Variants in FAM193A observed in about 807,000 individuals in gnomAD.
FAM193A encodes the protein protein FAM193A.
In FAM193A, 22 loss-of-function variants were observed where a neutral mutation model predicts 126.5. The ratio of observed to expected loss-of-function variants is 0.17; its 90% CI spans 0.12 to 0.25. FAM193A has a LOEUF of 0.25. FAM193A is among the 10% of genes least tolerant of loss of function. The pLI is 1.00. For synonymous variants in FAM193A, 761 were observed against 646.8 expected (o/e 1.18, Z -2.68); for missense variants, 1,675 against 1,672.8 (o/e 1.00, Z -0.02).
intron 1 of FAM193A, among the ~76,000 whole-genome samples, chr4:2,553,244 A>G (rs1000899319): frequency 2.0e-5 from 3 of 152,030 alleles, no homozygotes; most frequent in Non-Finnish European, 4.4e-5. Context: ...CAGGAGGACC[A>G]CTTGAGCTCA....
chr4:2,557,392 TATA>T (rs1478119309), intron 1 of FAM193A, among the ~76,000 whole-genome samples: 1 of 152,198 alleles, frequency 6.6e-6, no homozygotes, highest in Non-Finnish European at 1.5e-5. Flanking sequence ...CGAACCTTGG[TATA>T]TTTGTCAAAA....
intron 20 of FAM193A, among the ~76,000 whole-genome samples, chr4:2,719,096 T>C (rs971275877): frequency 1.3e-5 from 2 of 152,154 alleles, no homozygotes; most frequent in Admixed American, 1.3e-4. Flanking sequence ...ATGAGACAAG[T>C]AAAATTCTGA....
At chr4:2,670,697 T>G (rs1028072375) in intron 12 of FAM193A, among the ~76,000 whole-genome samples, 29 of 152,300 alleles carry the variant, frequency 1.9e-4, no homozygotes, top group African/African-American at 6.7e-4. Context: ...TGGGCTCAAG[T>G]GATCTTCCCA....
At chr4:2,691,786 A>AG (rs1206154635) in intron 15 of FAM193A, among the ~76,000 whole-genome samples, 1 of 151,804 alleles carries the variant, frequency 6.6e-6, no homozygotes, top group Non-Finnish European at 1.5e-5. Context: ...AAAAAAAAAA[A>AG]AAAGTTAAAA....
intron 1 of FAM193A, among the ~76,000 whole-genome samples, chr4:2,564,565 G>A (rs557026623): frequency 2.0e-5 from 3 of 152,220 alleles, no homozygotes; most frequent in South Asian, 4.1e-4. Flanking sequence ...AAGTATTTTC[G>A]AACTTTTTTG....
At chr4:2,617,721 G>A (rs1413702769) in intron 2 of FAM193A, among the ~76,000 whole-genome samples, 1 of 152,132 alleles carries the variant, frequency 6.6e-6, no homozygotes, top group African/African-American at 2.4e-5. Context: ...GTACCTTACA[G>A]TAGTATACTT....
intron 4 of FAM193A, 28 bp downstream of exon 4, chr4:2,626,605 C>A: frequency 1.5e-6 from 1 of 676,114 alleles, no homozygotes; most frequent in Non-Finnish European, 2.7e-6. Flanking sequence ...CTGTTGTGGC[C>A]CCATGCAAAC....
intron 13 of FAM193A, among the ~76,000 whole-genome samples, chr4:2,688,568 G>A (rs907679627): frequency 6.6e-6 from 1 of 152,322 alleles, no homozygotes; most frequent in Non-Finnish European, 1.5e-5. Context: ...GAAGGGTGGA[G>A]GTGGTGGGCC....
chr4:2,647,731 A>G (rs151092100), intron 7 of FAM193A, among the ~76,000 whole-genome samples: 2,651 of 152,238 alleles, frequency 0.017, 60 homozygotes, highest in African/African-American at 0.051. Context: ...GGGTTGGGCC[A>G]GGAAGGAATT....
chr4:2,547,794 T>A (rs866656426), intron 1 of FAM193A, among the ~76,000 whole-genome samples: 12 of 151,414 alleles, frequency 7.9e-5, no homozygotes, highest in Admixed American at 2.6e-4. Flanking sequence ...CCTGGCTAAT[T>A]TTGTAGTTTC....
At chr4:2,655,221 T>A (rs1356475006) in intron 7 of FAM193A, 1 of 528,080 alleles carries the variant, frequency 1.9e-6, no homozygotes, top group Non-Finnish European at 3.4e-6. Flanking sequence ...TTCTAGTTGA[T>A]TTAGGCTATC....
At chr4:2,683,517 C>T (rs1715395781) in intron 13 of FAM193A, among the ~76,000 whole-genome samples, 1 of 152,200 alleles carries the variant, frequency 6.6e-6, no homozygotes, top group South Asian at 2.1e-4. Context: ...TGGTCTTGAA[C>T]CCCTGACCTC....
At chr4:2,694,033 A>AG (rs1186967268) in intron 16 of FAM193A, among the ~76,000 whole-genome samples, 159 bp downstream of exon 16, 1 of 152,150 alleles carries the variant, frequency 6.6e-6, no homozygotes, top group Non-Finnish European at 1.5e-5. Flanking sequence ...CCATGGGTAG[A>AG]GGGGGGCTCC....
At chr4:2,687,088 C>A (rs558048571) in intron 13 of FAM193A, among the ~76,000 whole-genome samples, 70 of 152,214 alleles carry the variant, frequency 4.6e-4, no homozygotes, top group African/African-American at 1.6e-3. Context: ...CTCCTCTCCC[C>A]CTTTGCCTTC....
At chr4:2,626,671 A>G (rs1742996635) in intron 4 of FAM193A, 94 bp downstream of exon 4, 1 of 627,166 alleles carries the variant, frequency 1.6e-6, no homozygotes, top group Non-Finnish European at 2.9e-6. Flanking sequence ...CTTTCCTTAC[A>G]GTGCTCAGCT....
intron 1 of FAM193A, among the ~76,000 whole-genome samples, chr4:2,563,043 C>T (rs1207071725): frequency 6.6e-6 from 1 of 152,040 alleles, no homozygotes; most frequent in African/African-American, 2.4e-5. Context: ...CTCCCAGATT[C>T]AAGCGATTAT....
intron 6 of FAM193A, among the ~76,000 whole-genome samples, chr4:2,644,933 C>T (rs1744983444): frequency 2.0e-5 from 3 of 152,064 alleles, no homozygotes; most frequent in Admixed American, 2.0e-4. Flanking sequence ...TACATTTTTT[C>T]CCTATGTCCA....
chr4:2,732,233 G>C lies in FAM193A; in HGVS notation c.*365G>C, dbSNP rs1219939223. On this transcript the variant is annotated 3_prime_UTR_variant, in exon 21 of 21. Coordinates refer to ENST00000637812, the MANE Select transcript of FAM193A (RefSeq NM_001366318.2). ...CCTGTCCTGTCATGTGTCCTCACCG[G>C]GGTATCGGCCGTCACTCAGCTCTCC... 2 of 260,404 alleles carry C rather than the reference G, an allele frequency of 7.7e-6. No homozygotes were observed. Among genetic ancestry groups the C allele is most frequent in the African/African-American group, 4.4e-5 (2 of 44,958 alleles). The allele number at this position is 260,404 out of a possible 1,614,324, so 16.1% of individuals were successfully genotyped here.
At chr4:2,580,532 C>T (rs1022543607) in intron 1 of FAM193A, among the ~76,000 whole-genome samples, 26 of 152,052 alleles carry the variant, frequency 1.7e-4, no homozygotes, top group African/African-American at 6.3e-4. Flanking sequence ...CTAGGGTCTG[C>T]TGGGAAGTGT....
Sources: gnomAD v4.1 joint callset for allele counts (sites outside exome capture counted in the v4.1 genomes callset) on GRCh38, gnomAD v4.1.1 for gene constraint, MANE v1.5 for transcripts, NCBI Gene and HGNC (gene_info 2026-07-23, HGNC 2026-07-21) for gene names.